The following TRIM10 variants were observed in gnomAD, a reference collection of about 807,000 sequenced individuals.
TRIM10 encodes tripartite motif containing 10, also known as tripartite motif-containing protein 10.
Under a neutral mutation model 40.0 loss-of-function variants are expected in TRIM10, and 42 were observed. That is an observed-to-expected ratio of 1.05 (90% CI 0.82 to 1.36). The LOEUF is 1.36. TRIM10 is among the 40% of genes most tolerant of loss of function. The pLI is 0.00. For synonymous variants in TRIM10, 260 were observed against 239.5 expected (o/e 1.09, Z -0.79); for missense variants, 601 against 608.3 (o/e 0.99, Z 0.13).
chr6:30,153,523 G>A lies in TRIM10; in HGVS notation c.*446C>T. ...TGGCCACCACACTGCTTGGTTCATA[G>A]TTAACACAAACTAAATGGTTCTAGA... is the stretch of plus-strand genomic sequence containing the variant. On this transcript the variant is annotated 3_prime_UTR_variant, in exon 7 of 7. Coordinates refer to ENST00000449742, the MANE Select transcript of TRIM10 (RefSeq NM_006778.4). 2 of 684,932 alleles carry A rather than the reference G, an allele frequency of 2.9e-6. No homozygotes were observed. Among genetic ancestry groups the A allele is most frequent in the Non-Finnish European group, 5.0e-6 (2 of 403,056 alleles). 42.4% of individuals were successfully genotyped at this position (684,932 alleles called of 1,614,324 possible).
At chr6:30,155,865 G>T in intron 5 of TRIM10, 106 bp from the exon 6 acceptor site, 1 of 1,085,696 alleles carries the variant, frequency 9.2e-7, no homozygotes, top group Non-Finnish European at 1.4e-6. Flanking sequence ...ACAAGAAGAA[G>T]AATGTAAGCT....
At chr6:30,163,796 C>A (rs966228893), upstream of TRIM10, 3 of 1,612,846 alleles carry the variant, frequency 1.9e-6, no homozygotes, top group African/African-American at 4.0e-5. Flanking sequence ...CTTCTGCCGG[C>A]TCTGCCTCCC....
At chr6:30,163,801 C>T (rs1311060302), upstream of TRIM10, 6 of 1,612,844 alleles carry the variant, frequency 3.7e-6, no homozygotes, top group African/African-American at 8.0e-5. Flanking sequence ...GCCGGCTCTG[C>T]CTCCCCGCGC....
In TRIM10 at chr6:30,158,644, G is replaced by C. The variant is rs779847481; in HGVS notation, c.526-15C>G. The C allele has an allele frequency of 6.2e-7, 1 of 1,609,756 alleles. No homozygotes were observed. Among genetic ancestry groups the C allele is most frequent in the South Asian group, 1.1e-5 (1 of 90,990 alleles). ...GACACCTGAGTCTGAGGGGGCAGGA[G>C]GCAAGCCCAAGAGAAAGTTTGCTTC... On this transcript the variant is annotated splice_polypyrimidine_tract_variant and intron_variant, in intron 2 of 6. Coordinates refer to ENST00000449742, the MANE Select transcript of TRIM10 (RefSeq NM_006778.4).
At chr6:30,157,272 G>A (rs1772633206) in intron 4 of TRIM10, 97 bp downstream of exon 4, 2 of 1,278,334 alleles carry the variant, frequency 1.6e-6, no homozygotes, top group Admixed American at 4.3e-5. Context: ...GTATCCTTAA[G>A]TGAGAATGTT....
At chr6:30,163,554 T>TCTTTCTCTCTATCTGTCTCTC, upstream of TRIM10, 1 of 1,136,868 alleles carries the variant, frequency 8.8e-7, no homozygotes, top group Non-Finnish European at 1.2e-6. Flanking sequence ...CTCTCTCTCT[T>TCTTTCTCTCTATCTGTCTCTC]TCTCTCTCTC....
At chr6:30,156,570 T>G (rs1772547998) in intron 5 of TRIM10, among the ~76,000 whole-genome samples, 1 of 152,258 alleles carries the variant, frequency 6.6e-6, no homozygotes, top group Non-Finnish European at 1.5e-5. Flanking sequence ...TGGCTATTAA[T>G]TAACAATGTT....
rs201947890 is a variant in TRIM10, at chr6:30,160,769, G to A, written c.90C>T (p.Asp30=). 72 of 1,614,210 alleles carry A rather than the reference G, an allele frequency of 4.5e-5. No homozygotes were observed. In the Admixed American group the frequency reaches 1.1e-3, roughly 25 times the overall value. ...QGTLREPVTI[D]CGHNFCRACL... is the part of the protein sequence containing the mutation. ...AGGCCCGGCAGAAGTTGTGGCCGCA[G>A]TCGATAGTGACCGGCTCCCTCAGGG... The change falls in exon 1 of 7, where the codon GAC becomes GAT. Residue 30 remains aspartate, a synonymous_variant. Coordinates refer to ENST00000449742, the MANE Select transcript of TRIM10 (RefSeq NM_006778.4).
intron 5 of TRIM10, among the ~76,000 whole-genome samples, chr6:30,156,079 C>T (rs1772505811): frequency 6.6e-6 from 1 of 152,228 alleles, no homozygotes; most frequent in Non-Finnish European, 1.5e-5. Context: ...CTGCCTTGCT[C>T]ACCTCTGTAC....
chr6:30,163,668 C>G, upstream of TRIM10: 2 of 1,588,092 alleles, frequency 1.3e-6, no homozygotes, highest in South Asian at 1.2e-5. Flanking sequence ...AGTGGACGGG[C>G]TGGGGAAGGC....
rs774057703 is a variant in TRIM10, at chr6:30,160,434, T to A, written c.425A>T (p.Tyr142Phe). The A allele has an allele frequency of 6.2e-7, 1 of 1,613,484 alleles. No homozygotes were observed. The highest frequency in any genetic ancestry group is 8.5e-7 in the Non-Finnish European group (1 of 1,179,634). Reference sequence around the variant, plus strand: ...CCCCCAGTTCCCCTTTCCTACCCTATAGGGAGCCGCTGCATCCTCCAGGAA... The same window carrying A: ...CCCCCAGTTCCCCTTTCCTACCCTAAAGGGAGCCGCTGCATCCTCCAGGAA... ...MRFLEDAAAPYREQIHKCLKC... is the reference protein window; with the variant it reads ...MRFLEDAAAPFREQIHKCLKC... The change falls in exon 1 of 7, where the codon TAT becomes TTT. Residue 142 changes from tyrosine (Y) to phenylalanine (F), a missense_variant. Coordinates refer to ENST00000449742, the MANE Select transcript of TRIM10 (RefSeq NM_006778.4).
At chr6:30,159,304 G>T in intron 1 of TRIM10, 59 bp from the exon 2 acceptor site, 1 of 1,240,234 alleles carries the variant, frequency 8.1e-7, no homozygotes, top group Non-Finnish European at 1.2e-6. Context: ...GGTTTGTCTG[G>T]TCATCTGACC....
At chr6:30,155,634 T>G (rs1253721874) in intron 6 of TRIM10, 93 bp downstream of exon 6, 2 of 1,114,888 alleles carry the variant, frequency 1.8e-6, no homozygotes, top group Admixed American at 4.0e-5. Flanking sequence ...ACTATTGTCA[T>G]AGTCATAACA....
At chr6:30,156,239 G>A (rs1367011507) in intron 5 of TRIM10, among the ~76,000 whole-genome samples, 2 of 152,202 alleles carry the variant, frequency 1.3e-5, no homozygotes. Flanking sequence ...TTCACTGACA[G>A]GTCACTGGAA....
At chr6:30,163,440 G>A, upstream of TRIM10, 4 of 573,550 alleles carry the variant, frequency 7.0e-6, no homozygotes, top group South Asian at 1.0e-4. Context: ...GGTAATTCGA[G>A]ACGCCCTGGA....
upstream of TRIM10, chr6:30,163,709 G>T (rs768794070): frequency 6.2e-7 from 1 of 1,611,176 alleles, no homozygotes; most frequent in Non-Finnish European, 8.5e-7. Context: ...GTCCCTGAAG[G>T]TGGTCCATGA....
Position 30,155,611 on chromosome 6 carries a change from G to A in TRIM10, c.928+116C>T, listed in dbSNP as rs376251438. 257 of 813,936 alleles carry A rather than the reference G, an allele frequency of 3.2e-4. 18 individuals carry two copies. Among genetic ancestry groups the A allele is most frequent in the East Asian group, 1.5e-3 (57 of 38,432 alleles). The allele number at this position is 813,936 out of a possible 1,614,324, so 50.4% of individuals were successfully genotyped here. ...TATATGATGTGTATATGTATCCATG[G>A]GTGTTTGTTATGACTATTGTCATAG... On this transcript the variant is annotated intron_variant, in intron 6 of 6. Transcript: ENST00000449742.
In TRIM10 at chr6:30,153,555, G is replaced by T; in HGVS notation, c.*414C>A. On this transcript the variant is annotated 3_prime_UTR_variant, in exon 7 of 7. Coordinates refer to ENST00000449742, the MANE Select transcript of TRIM10 (RefSeq NM_006778.4). ...CAAACTAAATGGTTCTAGAGAATGT[G>T]ATTACATGAACTCTAACATTATTGG... is the stretch of plus-strand genomic sequence containing the variant. The T allele has an allele frequency of 1.2e-6, 1 of 803,982 alleles. No individual in the cohort carries two copies. Among genetic ancestry groups the T allele is most frequent in the Non-Finnish European group, 2.0e-6 (1 of 489,986 alleles). The allele number at this position is 803,982 out of a possible 1,614,324, so 49.8% of individuals were successfully genotyped here. A position where few individuals can be genotyped will look rare whatever the true frequency, so the allele number is the denominator to read the frequency against.
chr6:30,153,627 C>T lies in TRIM10; in HGVS notation c.*342G>A. On this transcript the variant is annotated 3_prime_UTR_variant, in exon 7 of 7. Transcript: ENST00000449742. Reference sequence around the variant, plus strand: ...GTGAGATGCCTTGTTTAAAGTCATACAACTGGTTGACAGGCTGGTTCAAGA... The same window carrying T: ...GTGAGATGCCTTGTTTAAAGTCATATAACTGGTTGACAGGCTGGTTCAAGA... The T allele has an allele frequency of 7.0e-7, 1 of 1,433,514 alleles. No individual in the cohort carries two copies. The highest frequency in any genetic ancestry group is 9.7e-7 in the Non-Finnish European group (1 of 1,033,416). The allele number at this position is 1,433,514 out of a possible 1,614,324, so 88.8% of individuals were successfully genotyped here.
Sources: allele counts gnomAD v4.1 joint callset (sites outside exome capture counted in the v4.1 genomes callset), GRCh38; gene constraint gnomAD v4.1.1; transcripts MANE v1.5; gene names NCBI Gene and HGNC (gene_info 2026-07-23, HGNC 2026-07-21).